NRXN1: variants seen among roughly 807,000 people sequenced by gnomAD.
NRXN1 encodes neurexin-1.
Under a neutral mutation model 150.9 loss-of-function variants are expected in NRXN1, and 39 were observed. The ratio of observed to expected loss-of-function variants is 0.26; its 90% CI spans 0.20 to 0.34. NRXN1 has a LOEUF of 0.34. NRXN1 is among the 10% of genes least tolerant of loss of function. The pLI is 1.00. For missense variants in NRXN1, 1,815 were observed against 1,949.9 expected (o/e 0.93, Z 1.30); for synonymous variants, 924 against 757.0 (o/e 1.22, Z -3.62).
chr2:50,166,284 T>C (rs1266834703), intron 18 of NRXN1, among the ~76,000 whole-genome samples: 2 of 58,382 alleles, frequency 3.4e-5, no homozygotes, highest in African/African-American at 2.0e-4. Context: ...AACGTATGTG[T>C]GTGTGTGTGT....
chr2:50,123,685 T>G (rs139405161), intron 18 of NRXN1, among the ~76,000 whole-genome samples: 9 of 152,138 alleles, frequency 5.9e-5, no homozygotes, highest in Admixed American at 2.0e-4. Flanking sequence ...TTATTGAATT[T>G]TAATTATAAT....
chr2:50,810,783 C>A (rs983190145), intron 5 of NRXN1, among the ~76,000 whole-genome samples: 2 of 152,024 alleles, frequency 1.3e-5, no homozygotes, highest in African/African-American at 2.4e-5. Context: ...AGATGAAGAC[C>A]ATCCTGGCCA....
chr2:51,002,603 TC>T (rs1700213258), intron 2 of NRXN1, among the ~76,000 whole-genome samples: 1 of 151,662 alleles, frequency 6.6e-6, no homozygotes, highest in Non-Finnish European at 1.5e-5. Context: ...GGAAGGAAGT[TC>T]CCCCATCAGG....
intron 2 of NRXN1, among the ~76,000 whole-genome samples, chr2:50,954,356 C>A (rs533492208): frequency 3.3e-5 from 5 of 152,302 alleles, no homozygotes; most frequent in African/African-American, 1.2e-4. Flanking sequence ...AACTTCAATT[C>A]TCAAGCTCTC....
chr2:50,418,489 G>C (rs2083722000), intron 17 of NRXN1, among the ~76,000 whole-genome samples: 1 of 152,204 alleles, frequency 6.6e-6, no homozygotes, highest in South Asian at 2.1e-4. Flanking sequence ...GACTGGAACG[G>C]AGAAAGGGAG....
At chr2:50,445,826 G>C (rs935942320) in intron 17 of NRXN1, among the ~76,000 whole-genome samples, 4 of 152,178 alleles carry the variant, frequency 2.6e-5, no homozygotes, top group Non-Finnish European at 5.9e-5. Context: ...GGATTGGAAA[G>C]AGGAGATTTT....
At chr2:50,158,545 G>A (rs1302624256) in intron 18 of NRXN1, among the ~76,000 whole-genome samples, 1 of 151,906 alleles carries the variant, frequency 6.6e-6, no homozygotes, top group South Asian at 2.1e-4. Flanking sequence ...TTCTTACAAA[G>A]CAACTGGTTT....
At chr2:50,209,713 G>A (rs779233781) in intron 18 of NRXN1, among the ~76,000 whole-genome samples, 1 of 151,688 alleles carries the variant, frequency 6.6e-6, no homozygotes, top group Non-Finnish European at 1.5e-5. Flanking sequence ...ATAAAAACAT[G>A]GAAAACATTT....
At chr2:50,848,533 G>C (rs1674033064) in intron 5 of NRXN1, among the ~76,000 whole-genome samples, 1 of 152,136 alleles carries the variant, frequency 6.6e-6, no homozygotes, top group African/African-American at 2.4e-5. Context: ...CGGGAGAGAA[G>C]TTTGAAGGAT....
At chr2:50,729,197 T>C (rs1697774553) in intron 5 of NRXN1, among the ~76,000 whole-genome samples, 1 of 152,188 alleles carries the variant, frequency 6.6e-6, no homozygotes, top group Admixed American at 6.5e-5. Context: ...ACGATCTTTG[T>C]TTTGATTATA....
intron 15 of NRXN1, among the ~76,000 whole-genome samples, chr2:50,492,241 G>C (rs1411083348): frequency 6.6e-6 from 1 of 152,072 alleles, no homozygotes. Flanking sequence ...ATAATAACCA[G>C]AGGGAATAGA....
chr2:50,833,655 A>G (rs1446072172), intron 5 of NRXN1, among the ~76,000 whole-genome samples: 1 of 152,218 alleles, frequency 6.6e-6, no homozygotes, highest in Non-Finnish European at 1.5e-5. Flanking sequence ...GGAGAAGAGT[A>G]TATCTACAAA....
At chr2:50,890,372 T>G (rs942475940) in intron 5 of NRXN1, among the ~76,000 whole-genome samples, 1 of 151,872 alleles carries the variant, frequency 6.6e-6, no homozygotes, top group African/African-American at 2.4e-5. Context: ...AAATGTACCA[T>G]ATACATTTTA....
intron 19 of NRXN1, among the ~76,000 whole-genome samples, chr2:50,067,787 G>C (rs1695584535): frequency 6.6e-6 from 1 of 152,158 alleles, no homozygotes; most frequent in Non-Finnish European, 1.5e-5. Context: ...CATTTTCCCA[G>C]ATATGAGAAT....
At chr2:50,328,576 A>G (rs190024415) in intron 17 of NRXN1, among the ~76,000 whole-genome samples, 4 of 152,090 alleles carry the variant, frequency 2.6e-5, no homozygotes, top group Non-Finnish European at 4.4e-5. Context: ...TTTACGAAAA[A>G]TACAAAAAAA....
intron 5 of NRXN1, chr2:50,918,721 A>T (rs892242143): frequency 3.0e-6 from 1 of 330,626 alleles, no homozygotes; most frequent in Non-Finnish European, 5.6e-6. Context: ...AACAAGAACA[A>T]AAGAGAAAAG....
chr2:50,502,361 T>G (rs1334653651), intron 13 of NRXN1, among the ~76,000 whole-genome samples: 1 of 152,172 alleles, frequency 6.6e-6, no homozygotes, highest in African/African-American at 2.4e-5. Flanking sequence ...CTGACTTATT[T>G]GTTGCCTTCA....
At chr2:50,207,187 T>G (rs546658539) in intron 18 of NRXN1, among the ~76,000 whole-genome samples, 4 of 152,124 alleles carry the variant, frequency 2.6e-5, no homozygotes, top group Non-Finnish European at 5.9e-5. Flanking sequence ...TTCACCAAAC[T>G]ATCTTCACAT....
chr2:50,865,762 G>T (rs1292419372), intron 5 of NRXN1, among the ~76,000 whole-genome samples: 1 of 143,842 alleles, frequency 7.0e-6, no homozygotes, highest in African/African-American at 2.6e-5. Flanking sequence ...GTGGTGGGGG[G>T]ATGTACATAC....
Sources: allele counts gnomAD v4.1 joint callset (sites outside exome capture counted in the v4.1 genomes callset), GRCh38; gene constraint gnomAD v4.1.1; transcripts MANE v1.5; gene names NCBI Gene and HGNC (gene_info 2026-07-23, HGNC 2026-07-21).